The following CLVS1 variants were observed in gnomAD, a reference collection of about 807,000 sequenced individuals.
CLVS1 encodes the protein clavesin 1.
In CLVS1, 10 loss-of-function variants were observed where a neutral mutation model predicts 33.1. The ratio of observed to expected loss-of-function variants is 0.30; its 90% CI spans 0.19 to 0.51. The LOEUF is 0.51. CLVS1 is among the 20% of genes least tolerant of loss of function. CLVS1 has a pLI of 0.97. For missense variants in CLVS1, 343 were observed against 433.4 expected (o/e 0.79, Z 1.85); for synonymous variants, 163 against 166.1 (o/e 0.98, Z 0.14).
At chr8:61,064,627 G>T (rs530851221) in intron 1 of CLVS1, among the ~76,000 whole-genome samples, 12 of 149,414 alleles carry the variant, frequency 8.0e-5, no homozygotes, top group South Asian at 4.2e-4. Context: ...TGCAACCTCT[G>T]CCCTGTGGGT....
At chr8:61,432,481 T>C (rs183881493) in intron 3 of CLVS1, among the ~76,000 whole-genome samples, 2 of 151,936 alleles carry the variant, frequency 1.3e-5, no homozygotes, top group Admixed American at 1.3e-4. Context: ...GATTAGGACA[T>C]AGACATGTAC....
At chr8:61,322,751 C>G (rs557428942) in intron 2 of CLVS1, among the ~76,000 whole-genome samples, 1 of 152,082 alleles carries the variant, frequency 6.6e-6, no homozygotes, top group African/African-American at 2.4e-5. Context: ...GGAAGCAGTA[C>G]TCTTCTCATC....
chr8:61,330,172 TCTCCAAGGCTGAGGA>T (rs1265782132), intron 2 of CLVS1, among the ~76,000 whole-genome samples: 5 of 151,994 alleles, frequency 3.3e-5, no homozygotes, highest in Non-Finnish European at 7.4e-5. Flanking sequence ...GTGTGTACCA[TCTCCAAGGCTGAGGA>T]CTCCAAGGCT....
intron 2 of CLVS1, among the ~76,000 whole-genome samples, chr8:61,314,669 A>G (rs1484911623): frequency 6.6e-6 from 1 of 152,234 alleles, no homozygotes; most frequent in Non-Finnish European, 1.5e-5. Flanking sequence ...TGAACCAACC[A>G]TCCTGATGAA....
At chr8:61,315,119 T>C (rs980850347) in intron 2 of CLVS1, among the ~76,000 whole-genome samples, 5 of 152,202 alleles carry the variant, frequency 3.3e-5, no homozygotes, top group Non-Finnish European at 5.9e-5. Flanking sequence ...CTTGGATTCA[T>C]GTACTATGTC....
intron 2 of CLVS1, among the ~76,000 whole-genome samples, chr8:61,317,231 G>A (rs1425471885): frequency 1.3e-5 from 2 of 152,148 alleles, no homozygotes. Context: ...TTCCAAGATG[G>A]TGTCCTGTTG....
intron 1 of CLVS1, among the ~76,000 whole-genome samples, chr8:61,105,924 G>A (rs1291613657): frequency 2.0e-5 from 3 of 152,110 alleles, no homozygotes; most frequent in Non-Finnish European, 2.9e-5. Flanking sequence ...TCCCGCTCAT[G>A]CCCGCCCTGC....
the CLVS1 span, among the ~76,000 whole-genome samples, chr8:61,022,866 CCT>C: frequency 6.6e-6 from 1 of 152,220 alleles, no homozygotes; most frequent in African/African-American, 2.4e-5. Flanking sequence ...TGTGCACCTC[CCT>C]CTGTTTATGC....
intron 3 of CLVS1, among the ~76,000 whole-genome samples, chr8:61,387,706 A>T (rs1814144402): frequency 6.6e-6 from 1 of 152,100 alleles, no homozygotes; most frequent in Non-Finnish European, 1.5e-5. Context: ...CTTAGCTCAC[A>T]TTTATGAGTG....
At chr8:61,371,236 T>A (rs1374447148) in intron 2 of CLVS1, among the ~76,000 whole-genome samples, 1 of 152,226 alleles carries the variant, frequency 6.6e-6, no homozygotes, top group African/African-American at 2.4e-5. Flanking sequence ...CTTTCCCTGA[T>A]AATTGGTGAT....
At chr8:61,381,296 A>C (rs549366693) in intron 3 of CLVS1, among the ~76,000 whole-genome samples, 139 of 152,242 alleles carry the variant, frequency 9.1e-4, no homozygotes, top group African/African-American at 3.2e-3. Flanking sequence ...ACCCTAAATG[A>C]TGACTTTCTA....
intron 1 of CLVS1, among the ~76,000 whole-genome samples, chr8:61,096,601 G>T (rs1805355043): frequency 6.6e-6 from 1 of 152,160 alleles, no homozygotes; most frequent in Admixed American, 6.5e-5. Flanking sequence ...CTCAATGTCT[G>T]AACTAGTAAT....
At chr8:60,970,092 T>C in the CLVS1 span, among the ~76,000 whole-genome samples, 7 of 152,236 alleles carry the variant, frequency 4.6e-5, no homozygotes, top group African/African-American at 1.4e-4. Context: ...TATAAAACAT[T>C]TAAAATTACA....
chr8:61,228,248 A>C (rs1280782192), intron 2 of CLVS1, among the ~76,000 whole-genome samples: 1 of 152,204 alleles, frequency 6.6e-6, no homozygotes, highest in Non-Finnish European at 1.5e-5. Flanking sequence ...ATATGGATAC[A>C]TTATGGAATA....
At chr8:61,153,130 GA>G (rs920749697) in intron 2 of CLVS1, among the ~76,000 whole-genome samples, 4 of 151,868 alleles carry the variant, frequency 2.6e-5, no homozygotes, top group African/African-American at 7.3e-5. Context: ...AAATAAAAAG[GA>G]AAAAAAGAAG....
chr8:61,014,281 A>G, the CLVS1 span, among the ~76,000 whole-genome samples: 1 of 151,886 alleles, frequency 6.6e-6, no homozygotes, highest in Non-Finnish European at 1.5e-5. Context: ...TACTCCCATC[A>G]CCATGGGCTA....
chr8:61,380,436 G>A (rs745517036), intron 3 of CLVS1, among the ~76,000 whole-genome samples: 8 of 152,022 alleles, frequency 5.3e-5, no homozygotes, highest in African/African-American at 1.5e-4. Context: ...AATGTTAATC[G>A]TGTATGTATT....
chr8:61,453,182 A>C (rs1276675217), intron 3 of CLVS1, among the ~76,000 whole-genome samples: 5 of 151,992 alleles, frequency 3.3e-5, no homozygotes, highest in African/African-American at 1.2e-4. Flanking sequence ...TACAGCGTTT[A>C]GAGATTCCTT....
chr8:61,300,932 T>C (rs1810407405), intron 2 of CLVS1: 1 of 152,226 alleles, frequency 6.6e-6, no homozygotes, highest in African/African-American at 2.4e-5. Flanking sequence ...ACTTTCTTCT[T>C]ATAAACTTGT....
Sources: allele counts gnomAD v4.1 joint callset (sites outside exome capture counted in the v4.1 genomes callset), GRCh38; gene constraint gnomAD v4.1.1; transcripts MANE v1.5; gene names NCBI Gene and HGNC (gene_info 2026-07-23, HGNC 2026-07-21).